MMP2: variants seen among roughly 807,000 people sequenced by gnomAD.
MMP2 encodes the protein 72 kDa type IV collagenase.
In MMP2, 39 loss-of-function variants were observed where a neutral mutation model predicts 74.8. That is an observed-to-expected ratio of 0.52 (90% CI 0.40 to 0.68). The LOEUF is 0.68. MMP2 is among the 30% of genes least tolerant of loss of function. The pLI is 0.00. For missense variants in MMP2, 803 were observed against 878.3 expected (o/e 0.91, Z 1.08); for synonymous variants, 367 against 339.8 (o/e 1.08, Z -0.88).
intron 3 of MMP2, 103 bp downstream of exon 3, chr16:55,484,267 G>C: frequency 7.3e-7 from 1 of 1,379,286 alleles, no homozygotes; most frequent in Non-Finnish European, 1.0e-6. Context: ...GGGCGGCTTA[G>C]ATAGGACAGT....
intron 9 of MMP2, among the ~76,000 whole-genome samples, chr16:55,494,626 C>T (rs1017283018): frequency 2.0e-5 from 3 of 152,226 alleles, no homozygotes; most frequent in African/African-American, 7.2e-5. Flanking sequence ...GCTTCAGACC[C>T]TCCTGACTGG....
At chr16:55,485,898 C>G in intron 5 of MMP2, 121 bp downstream of exon 5, 1 of 1,019,454 alleles carries the variant, frequency 9.8e-7, no homozygotes, top group Admixed American at 1.8e-5. Context: ...TAATGAGCAT[C>G]CCTCCAACGT....
chr16:55,491,690 C>A, intron 7 of MMP2, 111 bp from the exon 8 acceptor site: 1 of 1,258,940 alleles, frequency 7.9e-7, no homozygotes, highest in Non-Finnish European at 1.2e-6. Context: ...CCAGGGTTCT[C>A]AGCCTTACTG....
Position 55,489,715 on chromosome 16 carries a change from C to A in MMP2, c.1071C>A (p.Gly357=), listed in dbSNP as rs1215759211. The A allele has an allele frequency of 6.2e-7, 1 of 1,614,100 alleles. No homozygotes were observed. The highest frequency in any genetic ancestry group is 2.2e-5 in the East Asian group (1 of 44,844). The part of the protein sequence containing the change: ...APCVFPFTFL[G]NKYESCTSAG... ...GTGTCTTCCCCTTCACTTTCCTGGGCAACAAATATGAGAGCTGCACCAGCG... is the reference window on the plus strand; with the variant it reads ...GTGTCTTCCCCTTCACTTTCCTGGGAAACAAATATGAGAGCTGCACCAGCG... The change falls in exon 7 of 13, where the codon GGC becomes GGA. Residue 357 remains glycine (G), a synonymous_variant. Coordinates refer to ENST00000219070, the MANE Select transcript of MMP2 (RefSeq NM_004530.6).
In MMP2 at chr16:55,505,385, C is replaced by T. The variant is rs747262410; in HGVS notation, c.1926C>T (p.Asn642=). ...GTGCCTATTACCTGAAGCTGGAGAA[C>T]CAAAGTCTGAAGAGCGTGAAGTTTG... The part of the protein sequence containing the change: ...FKGAYYLKLE[N]QSLKSVKFGS... Residue 642 remains asparagine, a synonymous_variant, in exon 13 of 13, where the codon AAC becomes AAT. Transcript: ENST00000219070. The T allele has an allele frequency of 2.5e-6, 4 of 1,614,024 alleles. No individual in the cohort carries two copies. The African/African-American group carries it at 5.3e-5, about 22-fold the overall frequency.
rs1316372004 is a variant in MMP2, at chr16:55,485,697, G to A, written c.752G>A (p.Gly251Asp). Residue 251 changes from glycine (G) to aspartate (D), a missense_variant, in exon 5 of 13, where the codon GGC becomes GAC. Gly to Asp is a moderately conservative substitution (Grantham distance 94). This residue lies in a region of MMP2 where 555 missense variants were observed against 592.0 expected (regional missense o/e 0.94). Coordinates refer to ENST00000219070, the MANE Select transcript of MMP2 (RefSeq NM_004530.6). ...GAGTACAACAGCTGCACTGATACCG[G>A]CCGCAGCGATGGCTTCCTCTGGTGC... Reference protein sequence around the residue: ...GKEYNSCTDTGRSDGFLWCST... With the variant: ...GKEYNSCTDTDRSDGFLWCST... 2 of 1,614,014 alleles carry A rather than the reference G, an allele frequency of 1.2e-6. No homozygotes were observed. Among genetic ancestry groups the A allele is most frequent in the Non-Finnish European group, 1.7e-6 (2 of 1,180,024 alleles).
rs1319975418 is a variant in MMP2 at position 55,505,536 on chromosome 16, G to GT, written c.*95dup. The GT allele has an allele frequency of 1.6e-5, 17 of 1,049,596 alleles. 1 individual carries two copies. The highest frequency in any genetic ancestry group is 5.8e-4 in the Middle Eastern group (2 of 3,462). 65.0% of individuals were successfully genotyped at this position (1,049,596 alleles called of 1,614,324 possible). The stretch of plus-strand genomic sequence containing the variant: ...AAGGACCCGGAGGGGCCTGGCAGCC[G>GT]TGCCTTCAGCTCTACAGCTAATCAG... On this transcript the variant is annotated 3_prime_UTR_variant, in exon 13 of 13. Transcript: ENST00000219070.
chr16:55,489,617 T>C, intron 6 of MMP2, 34 bp from the exon 7 acceptor site: 1 of 1,612,598 alleles, frequency 6.2e-7, no homozygotes, highest in Non-Finnish European at 8.5e-7. Flanking sequence ...TCAGACTCTT[T>C]GCTGCGCCTT....
intron 9 of MMP2, among the ~76,000 whole-genome samples, chr16:55,495,672 A>G (rs1962513904): frequency 6.6e-6 from 1 of 152,240 alleles, no homozygotes; most frequent in Non-Finnish European, 1.5e-5. Context: ...TCTGCAAATA[A>G]CAGAGACCAT....
intron 12 of MMP2, 50 bp from the exon 13 acceptor site, chr16:55,505,289 G>A (rs760058639): frequency 7.4e-6 from 11 of 1,482,968 alleles, no homozygotes; most frequent in African/African-American, 5.5e-5. Flanking sequence ...CCTTCTGTGT[G>A]CCAGAATGTC....
At chr16:55,505,294 A>T (rs1398852397) in intron 12 of MMP2, 45 bp from the exon 13 acceptor site, 1 of 1,511,408 alleles carries the variant, frequency 6.6e-7, no homozygotes, top group South Asian at 1.1e-5. Flanking sequence ...TGTGTGCCAG[A>T]ATGTCAGGAT....
intron 1 of MMP2, chr16:55,481,804 C>A (rs1962110868): frequency 1.4e-6 from 1 of 733,550 alleles, no homozygotes. Flanking sequence ...TTCTCAGTTT[C>A]TTCATCTGCA....
intron 1 of MMP2, chr16:55,481,798 C>G: frequency 1.4e-6 from 1 of 729,778 alleles, no homozygotes; most frequent in Non-Finnish European, 2.6e-6. Flanking sequence ...AGTGACTTCT[C>G]AGTTTCTTCA....
In MMP2 at chr16:55,491,913, C is replaced by A; in HGVS notation, c.1293C>A (p.Phe431Leu). The A allele has an allele frequency of 1.2e-6, 2 of 1,614,120 alleles. No individual in the cohort carries two copies. Among genetic ancestry groups the A allele is most frequent in the Non-Finnish European group, 1.7e-6 (2 of 1,180,028 alleles). Residue 431 changes from phenylalanine (F) to leucine (L), a missense_variant, in exon 8 of 13, where the codon TTC (phenylalanine) becomes TTA (leucine). Phe to Leu is a conservative substitution (Grantham distance 22, BLOSUM62 0). This residue lies in a region of MMP2 where 555 missense variants were observed against 592.0 expected (regional missense o/e 0.94). Transcript: ENST00000219070. ...CCATTTACACCTACACCAAGAACTT[C>A]CGTCTGTCCCAGGATGACATCAAGG... Reference protein sequence around the residue: ...MAPIYTYTKNFRLSQDDIKGI... With the variant: ...MAPIYTYTKNLRLSQDDIKGI...
chr16:55,485,595 A>G lies in MMP2; in HGVS notation c.659-9A>G. On this transcript the variant is annotated splice_polypyrimidine_tract_variant and intron_variant, in intron 4 of 12. Transcript: ENST00000219070. ...AAGTCCAACCTCCCCCTTCCATGTC[A>G]CTCTTTAGTGGTCCGTGTGAAGTAT... is the stretch of plus-strand genomic sequence containing the variant. 6.2e-7 allele frequency: 1 copy of G among 1,613,640 alleles called. No homozygotes were observed. Among genetic ancestry groups the G allele is most frequent in the Non-Finnish European group, 8.5e-7 (1 of 1,179,908 alleles).
intron 8 of MMP2, among the ~76,000 whole-genome samples, 175 bp downstream of exon 8, chr16:55,492,131 A>AG (rs1204116948): frequency 1.3e-5 from 2 of 152,158 alleles, no homozygotes; most frequent in African/African-American, 4.8e-5. Context: ...CAGCTCTCCA[A>AG]GGGGATACTT....
Position 55,489,684 on chromosome 16 carries a change from C to A in MMP2, c.1040C>A (p.Ala347Asp), listed in dbSNP as rs769438981. 6.2e-7 allele frequency: 1 copy of A among 1,614,106 alleles called. No individual in the cohort carries two copies. Among genetic ancestry groups the A allele is most frequent in the South Asian group, 1.1e-5 (1 of 91,072 alleles). Reference sequence around the variant, plus strand: ...ACTGTTGGTGGGAACTCAGAAGGTGCCCCCTGTGTCTTCCCCTTCACTTTC... The same window carrying A: ...ACTGTTGGTGGGAACTCAGAAGGTGACCCCTGTGTCTTCCCCTTCACTTTC... ...MSTVGGNSEG[A>D]PCVFPFTFLG... The change falls in exon 7 of 13, where the codon GCC (alanine) becomes GAC (aspartate). Residue 347 changes from alanine to aspartate, a missense_variant. By Grantham distance (126) the Ala-to-Asp change is moderately radical. Coordinates refer to ENST00000219070, the MANE Select transcript of MMP2 (RefSeq NM_004530.6).
Position 55,482,956 on chromosome 16 carries a change from G to A in MMP2, c.201G>A (p.Leu67=), listed in dbSNP as rs752941212. The change falls in exon 2 of 13, where the codon CTG becomes CTA. Residue 67 remains leucine, a synonymous_variant. Coordinates refer to ENST00000219070, the MANE Select transcript of MMP2 (RefSeq NM_004530.6). ...FYGCPKESCN[L]FVLKDTLKKM... ...GCTGCCCCAAGGAGAGCTGCAACCT[G>A]TTTGTGCTGAAGGACACACTAAAGA... is the stretch of plus-strand genomic sequence containing the variant. The A allele has an allele frequency of 2.5e-6, 4 of 1,614,216 alleles. No individual in the cohort carries two copies. The highest frequency in any genetic ancestry group is 2.2e-5 in the South Asian group (2 of 91,076).
At position 55,505,451 on chromosome 16, in the gene MMP2, T is replaced by C; in HGVS notation, c.*9T>C. On this transcript the variant is annotated 3_prime_UTR_variant, in exon 13 of 13. Coordinates refer to ENST00000219070, the MANE Select transcript of MMP2 (RefSeq NM_004530.6). The stretch of plus-strand genomic sequence containing the variant: ...ACTGGCTAGGCTGCTGAGCTGGCCC[T>C]GGCTCCCACAGGCCCTTCCTCTCCA... The C allele has an allele frequency of 6.2e-7, 1 of 1,612,028 alleles. No homozygotes were observed. The highest frequency in any genetic ancestry group is 8.5e-7 in the Non-Finnish European group (1 of 1,178,134).
Sources: allele counts gnomAD v4.1 joint callset (sites outside exome capture counted in the v4.1 genomes callset), GRCh38; gene constraint gnomAD v4.1.1; regional missense constraint gnomAD v4.1.1; transcripts MANE v1.5; gene names NCBI Gene and HGNC (gene_info 2026-07-23, HGNC 2026-07-21).